The following CIMIP4 variants were observed in gnomAD, a reference collection of about 807,000 sequenced individuals.
The protein encoded by CIMIP4 is ciliary microtubule inner protein 4, also known as protein EAN57.
the CIMIP4 span, chr22:37,003,989 G>A: frequency 6.5e-7 from 1 of 1,549,810 alleles, no homozygotes; most frequent in Non-Finnish European, 8.7e-7. Flanking sequence ...CAGCTCCATA[G>A]CCTCTTGCTG....
the CIMIP4 span, chr22:37,001,955 C>T: frequency 1.4e-5 from 22 of 1,613,976 alleles, no homozygotes; most frequent in African/African-American, 2.7e-5. Context: ...AGCCCCCAAG[C>T]TGGGACCGTC....
At chr22:37,002,377 A>C in the CIMIP4 span, 2 of 96,000 alleles carry the variant, frequency 2.1e-5, no homozygotes, top group African/African-American at 7.8e-5. Flanking sequence ...GAGGGTGGGG[A>C]GGGGGCAGAG....
At chr22:37,005,553 G>GTT in the CIMIP4 span, among the ~76,000 whole-genome samples, 927 of 145,382 alleles carry the variant, frequency 6.4e-3, 15 homozygotes, top group African/African-American at 0.021. Flanking sequence ...ACCTTAAACA[G>GTT]TTTTTTTTTT....
chr22:36,997,966 A>G, the CIMIP4 span, among the ~76,000 whole-genome samples: 1,307 of 152,316 alleles, frequency 8.6e-3, 12 homozygotes, highest in Admixed American at 0.015. Flanking sequence ...GTGTTTGCCA[A>G]TTTCCAGAGT....
At chr22:36,997,083 T>C in the CIMIP4 span, among the ~76,000 whole-genome samples, 1 of 152,206 alleles carries the variant, frequency 6.6e-6, no homozygotes, top group East Asian at 1.9e-4. Flanking sequence ...ATCTCACTCT[T>C]TATACAGCTG....
At chr22:37,004,226 G>A in the CIMIP4 span, among the ~76,000 whole-genome samples, 1 of 152,070 alleles carries the variant, frequency 6.6e-6, no homozygotes, top group Non-Finnish European at 1.5e-5. Flanking sequence ...CCTGGCACAG[G>A]GGCTGCCTCC....
chr22:37,003,107 T>G, the CIMIP4 span, among the ~76,000 whole-genome samples: 48,304 of 152,186 alleles, frequency 0.32, 7,955 homozygotes, highest in East Asian at 0.54. Context: ...GCTGGGCATC[T>G]TGGCCGTCAG....
At chr22:36,991,385 G>C in the CIMIP4 span, 2 of 1,555,108 alleles carry the variant, frequency 1.3e-6, no homozygotes, top group Non-Finnish European at 1.8e-6. Flanking sequence ...CCCCGGCTCT[G>C]TCTCCTGCTC....
chr22:36,993,422 T>A, the CIMIP4 span, among the ~76,000 whole-genome samples: 1 of 151,556 alleles, frequency 6.6e-6, no homozygotes, highest in Non-Finnish European at 1.5e-5. Flanking sequence ...ACTCAAAGAA[T>A]AAGAGGAGTA....
At chr22:37,004,323 C>G in the CIMIP4 span, among the ~76,000 whole-genome samples, 1 of 152,062 alleles carries the variant, frequency 6.6e-6, no homozygotes, top group African/African-American at 2.4e-5. Context: ...TCTCAAGCAG[C>G]CTTGGAACCC....
chr22:36,992,959 ATG>A, the CIMIP4 span, among the ~76,000 whole-genome samples: 6 of 150,110 alleles, frequency 4.0e-5, no homozygotes, highest in East Asian at 1.2e-3. Context: ...AAATAATAAC[ATG>A]TAAGCTGAGG....
the CIMIP4 span, among the ~76,000 whole-genome samples, chr22:36,998,599 A>G: frequency 6.6e-6 from 1 of 152,158 alleles, no homozygotes; most frequent in South Asian, 2.1e-4. Context: ...TCAAGAAAAG[A>G]CTATGAGGCT....
the CIMIP4 span, chr22:36,999,811 AC>A: frequency 6.3e-7 from 1 of 1,598,572 alleles, no homozygotes; most frequent in Non-Finnish European, 8.5e-7. Context: ...ATGGGTGTTC[AC>A]GGCCCCACCC....
At chr22:36,991,682 A>T in the CIMIP4 span, 3 of 1,082,648 alleles carry the variant, frequency 2.8e-6, no homozygotes, top group Non-Finnish European at 4.3e-6. Flanking sequence ...TCCTCTACGG[A>T]TGGTAAATTG....
the CIMIP4 span, chr22:36,999,887 G>A: frequency 6.2e-7 from 1 of 1,614,032 alleles, no homozygotes; most frequent in Non-Finnish European, 8.5e-7. Context: ...ATAGTAGTCT[G>A]AGAAGACGGA....
the CIMIP4 span, chr22:36,991,196 T>C: frequency 6.2e-7 from 1 of 1,614,166 alleles, no homozygotes; most frequent in South Asian, 1.1e-5. Context: ...TTGGAGCTCT[T>C]GGATTTGCTG....
At chr22:36,994,926 G>A in the CIMIP4 span, among the ~76,000 whole-genome samples, 1 of 152,154 alleles carries the variant, frequency 6.6e-6, no homozygotes, top group East Asian at 1.9e-4. Context: ...CACTGCGCCC[G>A]GCCTGGAGAG....
At chr22:36,992,239 C>G in the CIMIP4 span, among the ~76,000 whole-genome samples, 36 of 152,162 alleles carry the variant, frequency 2.4e-4, 1 homozygote, top group East Asian at 6.6e-3. Flanking sequence ...CCCAGCTACT[C>G]AGGAGGCTGA....
chr22:36,999,728 T>G, the CIMIP4 span: 1 of 1,359,152 alleles, frequency 7.4e-7, no homozygotes, highest in Non-Finnish European at 1.0e-6. Context: ...TCCTTGAAGA[T>G]GTGCCCTGGG....
Sources: gnomAD v4.1 joint callset for allele counts (sites outside exome capture counted in the v4.1 genomes callset) on GRCh38, gnomAD v4.1.1 for gene constraint, MANE v1.5 for transcripts, NCBI Gene and HGNC (gene_info 2026-07-23, HGNC 2026-07-21) for gene names.